PHIP: variants seen among roughly 807,000 people sequenced by gnomAD.
PHIP encodes the protein PHIP subunit of CUL4-Ring ligase complex.
In PHIP, 54 loss-of-function variants were observed where a neutral mutation model predicts 236.8. The observed-to-expected ratio is 0.23, with a 90% CI of 0.18 to 0.29. The LOEUF (loss-of-function observed/expected upper bound fraction) is 0.29. PHIP is among the 10% of genes least tolerant of loss of function. PHIP has a pLI of 1.00. For missense variants in PHIP, 1,370 were observed against 2,190.8 expected, an observed-to-expected ratio of 0.63 and a Z score of 7.48; for synonymous variants, 756 against 718.9, an observed-to-expected ratio of 1.05 and a Z score of -0.83.
At chr6:79,060,241 A>C (rs1277382221) in intron 6 of PHIP, among the ~76,000 whole-genome samples, 2 of 152,198 alleles carry the variant, frequency 1.3e-5, no homozygotes, top group East Asian at 3.8e-4. Context: ...CTTTCGTAAA[A>C]ATAAAATTCC....
At chr6:78,963,306 G>C in intron 29 of PHIP, 54 bp from the exon 30 acceptor site, 1 of 1,411,612 alleles carries the variant, frequency 7.1e-7, no homozygotes, top group Non-Finnish European at 9.7e-7. Context: ...TAGTATTCAG[G>C]TTAGCTTTAG....
At chr6:79,020,993 T>C (rs751630055) in intron 9 of PHIP, among the ~76,000 whole-genome samples, 32 of 152,032 alleles carry the variant, frequency 2.1e-4, no homozygotes, top group Non-Finnish European at 4.0e-4. Flanking sequence ...ATCAGTAAGG[T>C]TAGTTTAATG....
chr6:79,047,449 T>C (rs1029794754), intron 6 of PHIP, among the ~76,000 whole-genome samples: 1 of 152,204 alleles, frequency 6.6e-6, no homozygotes, highest in Admixed American at 6.5e-5. Context: ...CATAATTCTA[T>C]TGTCTATAGC....
intron 15 of PHIP, among the ~76,000 whole-genome samples, chr6:79,004,808 T>A (rs1057027373): frequency 2.0e-5 from 3 of 152,142 alleles, no homozygotes; most frequent in Non-Finnish European, 2.9e-5. Flanking sequence ...GTAGTAACTT[T>A]CTTTCTTTAG....
intron 7 of PHIP, among the ~76,000 whole-genome samples, chr6:79,027,250 A>C (rs956385864): frequency 1.3e-5 from 2 of 152,196 alleles, no homozygotes; most frequent in African/African-American, 4.8e-5. Flanking sequence ...TGTATCTTAA[A>C]TCAGACTCTG....
chr6:79,078,200 CGGCGGCGGA>C lies in PHIP; in HGVS notation c.-141_-133del. 1.2e-6 allele frequency: 1 copy of C among 845,136 alleles called. No individual in the cohort carries two copies. Among genetic ancestry groups the C allele is most frequent in the Non-Finnish European group, 1.9e-6 (1 of 538,142 alleles). The allele number at this position is 845,136 out of a possible 1,614,324, so 52.4% of individuals were successfully genotyped here. On this transcript the variant is annotated 5_prime_UTR_variant, in exon 1 of 40. Coordinates refer to ENST00000275034, the MANE Select transcript of PHIP (RefSeq NM_017934.7). ...AGCTTCGGCTCCACCATTCAAGCAACGGCGGCGGAGGCGGAGGAGGAGGAGGAGGAAACA... is the reference window on the plus strand; with the variant it reads ...AGCTTCGGCTCCACCATTCAAGCAACGGCGGAGGAGGAGGAGGAGGAAACA...
chr6:79,063,695 A>G (rs1254183991), intron 4 of PHIP, among the ~76,000 whole-genome samples: 1 of 152,198 alleles, frequency 6.6e-6, no homozygotes, highest in Non-Finnish European at 1.5e-5. Flanking sequence ...GATTACAGGC[A>G]TGAGCCACAG....
At position 78,939,084 on chromosome 6, in the gene PHIP, T is replaced by TA. The variant is rs1445551558; in HGVS notation, c.*1608dup. 1.3e-5 allele frequency: 2 copies of TA among 151,646 alleles called. No individual in the cohort carries two copies. Among genetic ancestry groups the TA allele is most frequent in the Non-Finnish European group, 3.0e-5 (2 of 67,646 alleles). 9.4% of individuals were successfully genotyped at this position (151,646 alleles called of 1,614,324 possible). A position where few individuals can be genotyped will look rare whatever the true frequency, so the allele number is the denominator to read the frequency against. On this transcript the variant is annotated 3_prime_UTR_variant, in exon 40 of 40. Transcript: ENST00000275034. ...GAAAATACTACATTCTTTAAATTTTTAAAAAAATGGACAGTAATTTTTAAA... is the reference window on the plus strand; with the variant it reads ...GAAAATACTACATTCTTTAAATTTTTAAAAAAAATGGACAGTAATTTTTAAA...
At chr6:78,965,859 AAAG>A in intron 28 of PHIP, 83 bp downstream of exon 28, 2 of 1,199,090 alleles carry the variant, frequency 1.7e-6, no homozygotes, top group Non-Finnish European at 2.4e-6. Flanking sequence ...TCTGTGTTTA[AAAG>A]AAGTCTCTTT....
intron 7 of PHIP, among the ~76,000 whole-genome samples, chr6:79,030,830 T>G (rs1276407098): frequency 6.6e-6 from 1 of 152,218 alleles, no homozygotes; most frequent in Admixed American, 6.5e-5. Context: ...GTACAAAATT[T>G]AAAATCTTTT....
intron 7 of PHIP, among the ~76,000 whole-genome samples, chr6:79,035,872 T>C (rs1329803570): frequency 3.9e-5 from 6 of 152,206 alleles, no homozygotes; most frequent in Non-Finnish European, 7.3e-5. Flanking sequence ...TCATTTCCCT[T>C]ACAAATCAAC....
chr6:78,951,799 T>TA (rs1418753261), intron 35 of PHIP, among the ~76,000 whole-genome samples: 1 of 152,232 alleles, frequency 6.6e-6, no homozygotes, highest in Admixed American at 6.5e-5. Context: ...TTCATTTGCC[T>TA]ATTGTCTCAG....
At chr6:79,019,924 T>C (rs944917240) in intron 9 of PHIP, among the ~76,000 whole-genome samples, 1 of 152,156 alleles carries the variant, frequency 6.6e-6, no homozygotes, top group Non-Finnish European at 1.5e-5. Flanking sequence ...TTTAACAATG[T>C]GTATGTAATG....
intron 19 of PHIP, 128 bp from the exon 20 acceptor site, chr6:78,991,113 A>C: frequency 1.6e-6 from 1 of 623,920 alleles, no homozygotes; most frequent in Non-Finnish European, 2.9e-6. Flanking sequence ...CATGTGATAA[A>C]GATTTCTAAG....
intron 4 of PHIP, among the ~76,000 whole-genome samples, chr6:79,066,755 C>A (rs1302144787): frequency 6.6e-6 from 1 of 152,098 alleles, no homozygotes; most frequent in Non-Finnish European, 1.5e-5. Flanking sequence ...CTGCTCTAAA[C>A]CCTTAATTTA....
At chr6:79,072,675 A>G (rs1773948413) in intron 4 of PHIP, among the ~76,000 whole-genome samples, 1 of 151,302 alleles carries the variant, frequency 6.6e-6, no homozygotes, top group Non-Finnish European at 1.5e-5. Context: ...TTTTGTAGAG[A>G]TGGGGTTTTC....
chr6:79,077,554 G>T, intron 3 of PHIP, 47 bp from the exon 4 acceptor site: 1 of 920,276 alleles, frequency 1.1e-6, no homozygotes. Context: ...GCCCCTACCC[G>T]CCCGCTCCCC....
chr6:79,015,181 G>A lies in PHIP; in HGVS notation c.1425C>T (p.His475=). Residue 475 remains histidine (H), a synonymous_variant, in exon 15 of 40, where the codon CAC becomes CAT. Transcript: ENST00000275034. The part of the protein sequence containing the change: ...HEDEVFVLEP[H]PFDPRVLFSA... ...AAAAGAGAACTCTAGGATCGAACGG[G>A]TGTGGTTCAAGAACAAATACCTCAT... 1 of 1,610,476 alleles carries A rather than the reference G, an allele frequency of 6.2e-7. No homozygotes were observed. Among genetic ancestry groups the A allele is most frequent in the Non-Finnish European group, 8.5e-7 (1 of 1,177,162 alleles).
chr6:79,000,515 T>A (rs1036275340), intron 17 of PHIP, among the ~76,000 whole-genome samples: 2 of 152,052 alleles, frequency 1.3e-5, no homozygotes, highest in African/African-American at 4.8e-5. Flanking sequence ...GTAAATGGAT[T>A]TAAAAAGTAA....
Sources: gnomAD v4.1 joint callset for allele counts (sites outside exome capture counted in the v4.1 genomes callset) on GRCh38, gnomAD v4.1.1 for gene constraint, MANE v1.5 for transcripts, NCBI Gene and HGNC (gene_info 2026-07-23, HGNC 2026-07-21) for gene names.